EPHA5: variants seen among roughly 807,000 people sequenced by gnomAD.
EPHA5 encodes ephrin type-A receptor 5.
In EPHA5, 60 loss-of-function variants were observed where a neutral mutation model predicts 105.0. The ratio of observed to expected loss-of-function variants is 0.57; its 90% confidence interval spans 0.46 to 0.71. EPHA5 has a LOEUF of 0.71. EPHA5 is among the 30% of genes least tolerant of loss of function. EPHA5 has a pLI of 0.00. For missense variants in EPHA5, 1,218 were observed against 1,274.7 expected, an observed-to-expected ratio of 0.96 and a Z score of 0.68; for synonymous variants, 513 against 449.1, an observed-to-expected ratio of 1.14 and a Z score of -1.80.
At chr4:65,413,224 G>C (rs1578056577) in intron 7 of EPHA5, among the ~76,000 whole-genome samples, 2 of 152,174 alleles carry the variant, frequency 1.3e-5, no homozygotes, top group East Asian at 3.9e-4. Flanking sequence ...AGTAGCTTCA[G>C]TTAAACTTCA....
At chr4:65,348,900 C>T (rs1722551984) in intron 13 of EPHA5, among the ~76,000 whole-genome samples, 1 of 141,888 alleles carries the variant, frequency 7.0e-6, no homozygotes, top group African/African-American at 2.6e-5. Flanking sequence ...ACTGTAACCC[C>T]CACCTCCCAG....
chr4:65,409,093 A>G (rs1722657161), intron 7 of EPHA5, among the ~76,000 whole-genome samples: 1 of 143,900 alleles, frequency 6.9e-6, no homozygotes, highest in South Asian at 2.3e-4. Context: ...CACAAGAACA[A>G]AAAACCAAAC....
chr4:65,574,259 G>C, intron 3 of EPHA5: 1 of 1,593,234 alleles, frequency 6.3e-7, no homozygotes, highest in Non-Finnish European at 8.6e-7. Flanking sequence ...CTATTCCTCA[G>C]CTCCAGGGCT....
chr4:65,388,082 C>T (rs568565056), intron 8 of EPHA5, among the ~76,000 whole-genome samples: 64 of 149,824 alleles, frequency 4.3e-4, no homozygotes, highest in African/African-American at 1.5e-3. Context: ...GTTTTTTGTC[C>T]TTGTGATAGT....
At chr4:65,365,654 T>TAG (rs1717811354) in intron 10 of EPHA5, among the ~76,000 whole-genome samples, 1 of 25,986 alleles carries the variant, frequency 3.8e-5, no homozygotes, top group Non-Finnish European at 6.8e-5. Context: ...ATTCACTATA[T>TAG]ATATATATAT....
At chr4:65,577,452 A>C (rs1316175363) in intron 3 of EPHA5, among the ~76,000 whole-genome samples, 3 of 152,286 alleles carry the variant, frequency 2.0e-5, no homozygotes, top group African/African-American at 7.2e-5. Flanking sequence ...TGTGTAATGT[A>C]ATAGTAGCTT....
At chr4:65,549,171 T>G (rs1165793625) in intron 3 of EPHA5, among the ~76,000 whole-genome samples, 1 of 152,088 alleles carries the variant, frequency 6.6e-6, no homozygotes, top group African/African-American at 2.4e-5. Context: ...TAAGAAAAAG[T>G]AGACTACAAC....
intron 3 of EPHA5, among the ~76,000 whole-genome samples, chr4:65,544,718 A>G (rs1463154758): frequency 6.6e-6 from 1 of 152,038 alleles, no homozygotes; most frequent in Non-Finnish European, 1.5e-5. Context: ...CAGCAATCCC[A>G]TTACTGGGTA....
Position 65,560,550 on chromosome 4 carries a change from G to A in EPHA5, c.910+41091C>T, listed in dbSNP as rs78350721. Among the ~76,000 whole-genome samples, 628 of 152,046 alleles carry A rather than the reference G, an allele frequency of 4.1e-3. 2 individuals are homozygous for A. The highest frequency in any genetic ancestry group is 7.2e-3 in the Non-Finnish European group (488 of 67,958). On this transcript the variant is annotated intron_variant, in intron 3 of 16. Coordinates refer to ENST00000613740, the MANE Select transcript of EPHA5 (RefSeq NM_001281766.3). ...TGTTTATCATTGTTAGGATAAACAC[G>A]CTTATCCTTATATTTCATTTGCCCA... is the stretch of plus-strand genomic sequence containing the variant.
At chr4:65,447,259 C>T (rs1287856540) in intron 5 of EPHA5, among the ~76,000 whole-genome samples, 4 of 151,884 alleles carry the variant, frequency 2.6e-5, no homozygotes, top group Non-Finnish European at 5.9e-5. Flanking sequence ...AGTTTCTAAG[C>T]AGATATTTGC....
At chr4:65,451,969 A>T (rs1055429794) in intron 5 of EPHA5, among the ~76,000 whole-genome samples, 10 of 152,274 alleles carry the variant, frequency 6.6e-5, no homozygotes, top group Admixed American at 2.6e-4. Flanking sequence ...AAAAAGTCAT[A>T]TTATCTTGTT....
intron 3 of EPHA5, among the ~76,000 whole-genome samples, chr4:65,566,592 G>A (rs1317342670): frequency 2.0e-5 from 3 of 151,384 alleles, no homozygotes; most frequent in African/African-American, 7.3e-5. Context: ...ATCTAGAGAG[G>A]CAGCAAAGTG....
chr4:65,332,721 C>A (rs1163154023), intron 15 of EPHA5, among the ~76,000 whole-genome samples: 1 of 151,728 alleles, frequency 6.6e-6, no homozygotes, highest in Non-Finnish European at 1.5e-5. Flanking sequence ...CTCTAAAAAT[C>A]AGTCTACTAA....
chr4:65,404,563 A>C (rs2148991905), intron 7 of EPHA5, 84 bp from the exon 8 acceptor site: 1 of 1,174,290 alleles, frequency 8.5e-7, no homozygotes, highest in Admixed American at 2.0e-5. Context: ...GACAGTAATC[A>C]ATTCATGATT....
intron 3 of EPHA5, among the ~76,000 whole-genome samples, chr4:65,501,320 T>A (rs1167316559): frequency 6.6e-6 from 1 of 151,472 alleles, no homozygotes. Flanking sequence ...TCAAACTACT[T>A]CTCTTCACTG....
chr4:65,475,042 A>C (rs1729656350), intron 5 of EPHA5, among the ~76,000 whole-genome samples: 1 of 152,146 alleles, frequency 6.6e-6, no homozygotes, highest in Non-Finnish European at 1.5e-5. Flanking sequence ...AAGGAGGCAA[A>C]ATAGAGACTA....
chr4:65,353,577 GAAT>G (rs1363347217), intron 11 of EPHA5, among the ~76,000 whole-genome samples: 2 of 150,778 alleles, frequency 1.3e-5, no homozygotes, highest in African/African-American at 4.9e-5. Flanking sequence ...ATGTGTTTAA[GAAT>G]AATTCTATGA....
At chr4:65,447,619 A>G (rs924920153) in intron 5 of EPHA5, among the ~76,000 whole-genome samples, 1 of 152,050 alleles carries the variant, frequency 6.6e-6, no homozygotes, top group African/African-American at 2.4e-5. Context: ...ACAACATTAA[A>G]TCAACAATAT....
chr4:65,536,455 T>C (rs987081698), intron 3 of EPHA5, among the ~76,000 whole-genome samples: 4 of 151,934 alleles, frequency 2.6e-5, no homozygotes, highest in Non-Finnish European at 4.4e-5. Flanking sequence ...AAACCATATA[T>C]ATTTTTTTAT....
Sources: gnomAD v4.1 joint callset for allele counts (sites outside exome capture counted in the v4.1 genomes callset) on GRCh38, gnomAD v4.1.1 for gene constraint, MANE v1.5 for transcripts, NCBI Gene and HGNC (gene_info 2026-07-23, HGNC 2026-07-21) for gene names.